DIAPH2: variants seen among roughly 807,000 people sequenced by gnomAD.
DIAPH2 encodes the protein protein diaphanous homolog 2.
In DIAPH2, 35 loss-of-function variants were observed where a neutral mutation model predicts 92.7. The ratio of observed to expected loss-of-function variants is 0.38; its 90% CI spans 0.29 to 0.50. The LOEUF (loss-of-function observed/expected upper bound fraction) is 0.50, where lower values mean the gene tolerates loss of function less well. DIAPH2 is among the 20% of genes least tolerant of loss of function. The pLI is 0.94. For missense variants in DIAPH2, 701 were observed against 819.5 expected, an observed-to-expected ratio of 0.86 and a Z score of 1.77; for synonymous variants, 301 against 280.4, an observed-to-expected ratio of 1.07 and a Z score of -0.73.
intron 26 of DIAPH2, among the ~76,000 whole-genome samples, chrX:97,482,643 G>A (rs2070658895): frequency 1.1e-5 from 1 of 93,841 alleles, no homozygotes; most frequent in South Asian, 5.7e-4. Flanking sequence ...AAAAGGAAAA[G>A]AGGAGGGGAC....
intron 4 of DIAPH2, among the ~76,000 whole-genome samples, chrX:96,811,590 T>C (rs1202262412): frequency 3.6e-5 from 4 of 111,912 alleles, no homozygotes; most frequent in African/African-American, 1.3e-4. Context: ...GGCATCCCTG[T>C]CTTGTGCCAG....
intron 22 of DIAPH2, among the ~76,000 whole-genome samples, chrX:97,228,754 T>C (rs779445885): frequency 1.8e-5 from 2 of 112,125 alleles, no homozygotes; most frequent in Non-Finnish European, 3.8e-5. Context: ...GAGGAAACTG[T>C]AGAAATGCAA....
intron 17 of DIAPH2, among the ~76,000 whole-genome samples, chrX:97,008,968 T>G (rs1364118939): frequency 9.0e-6 from 1 of 111,348 alleles, no homozygotes; most frequent in African/African-American, 3.3e-5. Context: ...GTTCTACGGT[T>G]AGCATGTGCC....
intron 26 of DIAPH2, among the ~76,000 whole-genome samples, chrX:97,485,127 A>G: frequency 8.9e-6 from 1 of 112,049 alleles, no homozygotes. Context: ...TGGGATGTCA[A>G]TGTGATACTG....
At chrX:97,297,492 T>G (rs1280354876) in intron 23 of DIAPH2, among the ~76,000 whole-genome samples, 1 of 110,723 alleles carries the variant, frequency 9.0e-6, no homozygotes, top group Non-Finnish European at 1.9e-5. Context: ...TTCCTGTAGA[T>G]TTTTATTCAT....
chrX:96,994,834 T>C (rs2066094356), intron 17 of DIAPH2, among the ~76,000 whole-genome samples: 1 of 111,161 alleles, frequency 9.0e-6, no homozygotes, highest in African/African-American at 3.3e-5. Flanking sequence ...GAGAACAGCA[T>C]GGGTGAAACT....
intron 22 of DIAPH2, among the ~76,000 whole-genome samples, chrX:97,232,301 C>T (rs2068015464): frequency 9.0e-6 from 1 of 111,715 alleles, no homozygotes; most frequent in Non-Finnish European, 1.9e-5. Flanking sequence ...GTGGCGTGAT[C>T]TCAGCTCACT....
chrX:97,096,147 T>G (rs2066867651), intron 19 of DIAPH2, among the ~76,000 whole-genome samples: 1 of 112,526 alleles, frequency 8.9e-6, no homozygotes, highest in Admixed American at 9.4e-5. Flanking sequence ...CTTAAAAATT[T>G]ATCACTTCTA....
chrX:96,699,416 C>T (rs187996637), intron 1 of DIAPH2, among the ~76,000 whole-genome samples: 1 of 111,065 alleles, frequency 9.0e-6, no homozygotes, highest in East Asian at 2.8e-4. Context: ...TTTTACCTCC[C>T]AGGGAACATT....
At chrX:97,437,013 C>T (rs2070193930) in intron 26 of DIAPH2, among the ~76,000 whole-genome samples, 2 of 111,663 alleles carry the variant, frequency 1.8e-5, no homozygotes, top group Admixed American at 1.9e-4. Flanking sequence ...CACCCTCCCC[C>T]GCCCACCATC....
intron 22 of DIAPH2, among the ~76,000 whole-genome samples, chrX:97,183,165 G>T (rs1177120302): frequency 9.0e-6 from 1 of 111,325 alleles, no homozygotes; most frequent in African/African-American, 3.3e-5. Flanking sequence ...TTTTTATTGG[G>T]GTATAAGACA....
chrX:97,548,903 A>T (rs2071199867), intron 26 of DIAPH2, among the ~76,000 whole-genome samples: 1 of 112,239 alleles, frequency 8.9e-6, no homozygotes, highest in African/African-American at 3.2e-5. Flanking sequence ...AAGTGAATTA[A>T]TATATTTGTT....
At chrX:97,369,862 C>G (rs1011671731) in intron 24 of DIAPH2, among the ~76,000 whole-genome samples, 3 of 111,925 alleles carry the variant, frequency 2.7e-5, no homozygotes, top group East Asian at 5.6e-4. Context: ...AAAAATCTCT[C>G]TGTTCACTAG....
chrX:96,953,055 G>T (rs757756828), intron 15 of DIAPH2, among the ~76,000 whole-genome samples: 5 of 110,806 alleles, frequency 4.5e-5, no homozygotes, highest in African/African-American at 1.6e-4. Flanking sequence ...AGAGGTCAAG[G>T]CTGCAATGCA....
chrX:97,536,975 CA>C (rs1218115621), intron 26 of DIAPH2, among the ~76,000 whole-genome samples: 1 of 111,774 alleles, frequency 8.9e-6, no homozygotes, highest in Non-Finnish European at 1.9e-5. Context: ...AGGAAGCAAA[CA>C]TATATATTCA....
chrX:97,151,287 C>G (rs1602376653), intron 22 of DIAPH2, among the ~76,000 whole-genome samples: 1 of 111,424 alleles, frequency 9.0e-6, no homozygotes, highest in African/African-American at 3.3e-5. Flanking sequence ...TTTTTAAAAG[C>G]CAGTCATTCA....
At chrX:96,998,253 A>C in intron 17 of DIAPH2, among the ~76,000 whole-genome samples, 1 of 111,502 alleles carries the variant, frequency 9.0e-6, no homozygotes, top group East Asian at 2.8e-4. Flanking sequence ...ATTTTTTAGG[A>C]TATATTAATA....
rs184116465 is a variant in DIAPH2 at position 97,548,999 on chromosome X, C to T, written c.3242-50254C>T. ...AAGGGCCTGCCCATTTATAAAATGA[C>T]GGGTAATTTTCCCAAGTGCTGATAA... On this transcript the variant is annotated intron_variant, in intron 26 of 26. Transcript: ENST00000324765. Among the ~76,000 whole-genome samples, 648 of 112,347 alleles carry T rather than the reference C, an allele frequency of 5.8e-3. 2 individuals are homozygous for T. The highest frequency in any genetic ancestry group is 0.02 in the African/African-American group (613 of 31,039).
intron 4 of DIAPH2, among the ~76,000 whole-genome samples, chrX:96,867,821 C>A (rs1291487905): frequency 9.0e-6 from 1 of 111,020 alleles, no homozygotes; most frequent in Non-Finnish European, 1.9e-5. Flanking sequence ...AGAGGAGTAT[C>A]CCACTAAGAT....
Sources: allele counts gnomAD v4.1 joint callset (sites outside exome capture counted in the v4.1 genomes callset), GRCh38; gene constraint gnomAD v4.1.1; transcripts MANE v1.5; gene names NCBI Gene and HGNC (gene_info 2026-07-23, HGNC 2026-07-21).